PLCE1: variants seen among roughly 807,000 people sequenced by gnomAD.
PLCE1 encodes the protein phospholipase C epsilon 1, also known as 1-phosphatidylinositol 4,5-bisphosphate phosphodiesterase epsilon-1.
In PLCE1, 119 loss-of-function variants were observed where a neutral mutation model predicts 242.8. The observed-to-expected ratio is 0.49, with a 90% confidence interval of 0.42 to 0.57. PLCE1 has a LOEUF of 0.57. Ranked by LOEUF, PLCE1 falls within the 20% of genes least tolerant of loss-of-function variation. The pLI, the probability that PLCE1 is intolerant of heterozygous loss-of-function variation, is 0.00. For missense variants in PLCE1, 2,441 were observed against 2,788.8 expected (o/e 0.88, Z 2.81); for synonymous variants, 945 against 1,017.4 (o/e 0.93, Z 1.35).
intron 22 of PLCE1, among the ~76,000 whole-genome samples, chr10:94,288,636 A>T (rs2052542904): frequency 6.6e-6 from 1 of 152,104 alleles, no homozygotes; most frequent in Non-Finnish European, 1.5e-5. Context: ...TGGAAGTCTG[A>T]TTCTGAGGGG....
chr10:94,047,473 C>A lies in PLCE1; in HGVS notation c.1206+15221C>A, dbSNP rs576313738. ...TTTTGCCATTTTGTTTTAGCCAGTT[C>A]TTTTCCTCCCGCCTTTTATGACTTC... On this transcript the variant is annotated intron_variant, in intron 2 of 32. Coordinates refer to ENST00000371380, the MANE Select transcript of PLCE1 (RefSeq NM_016341.4). Among the ~76,000 whole-genome samples the A allele has an allele frequency of 5.9e-5, 9 of 152,232 alleles. No homozygotes were observed. In the East Asian group the frequency reaches 7.7e-4, roughly 13 times the overall value.
intron 5 of PLCE1, among the ~76,000 whole-genome samples, chr10:94,228,572 G>A (rs920912960): frequency 6.6e-6 from 1 of 152,122 alleles, no homozygotes; most frequent in Non-Finnish European, 1.5e-5. Context: ...CCTCATGAGG[G>A]TTCTCACTAT....
rs550426488 is a variant in PLCE1, at chr10:94,021,444, A to ATGACATGGGGGTTGATGTTC, written c.-364-9238_-364-9219dup. Among the ~76,000 whole-genome samples, 632 of 152,082 alleles carry ATGACATGGGGGTTGATGTTC rather than the reference A, an allele frequency of 4.2e-3. 6 individuals carry two copies. Among genetic ancestry groups the ATGACATGGGGGTTGATGTTC allele is most frequent in the African/African-American group, 0.013 (541 of 41,482 alleles). The stretch of plus-strand genomic sequence containing the variant: ...TTATGAATTAATATTTGTGCATGGT[A>ATGACATGGGGGTTGATGTTC]TGACATGGGGGTTGATGTTCATTTT... On this transcript the variant is annotated intron_variant, in intron 1 of 32. Coordinates refer to ENST00000371380, the MANE Select transcript of PLCE1 (RefSeq NM_016341.4).
intron 2 of PLCE1, among the ~76,000 whole-genome samples, chr10:94,086,124 C>G (rs1411102916): frequency 6.6e-6 from 1 of 152,092 alleles, no homozygotes; most frequent in Non-Finnish European, 1.5e-5. Context: ...CAGGCAGTGA[C>G]TTCTGGTGTG....
chr10:94,081,199 T>C (rs548399254), intron 2 of PLCE1, among the ~76,000 whole-genome samples: 1 of 152,338 alleles, frequency 6.6e-6, no homozygotes, highest in South Asian at 2.1e-4. Context: ...CATTTTTCTA[T>C]TTATTTTTCT....
At chr10:94,108,932 G>A (rs771695936) in intron 2 of PLCE1, 16 of 152,184 alleles carry the variant, frequency 1.1e-4, no homozygotes, top group Non-Finnish European at 2.1e-4. Context: ...CTTCACATAT[G>A]TCGTTTCATA....
chr10:94,295,062 C>T (rs1214963883), intron 23 of PLCE1, among the ~76,000 whole-genome samples: 1 of 151,760 alleles, frequency 6.6e-6, no homozygotes, highest in Non-Finnish European at 1.5e-5. Flanking sequence ...ACTACAGGAG[C>T]CCACCACCAC....
intron 1 of PLCE1, among the ~76,000 whole-genome samples, chr10:94,006,395 C>T (rs2061037732): frequency 6.6e-6 from 1 of 152,204 alleles, no homozygotes; most frequent in South Asian, 2.1e-4. Flanking sequence ...TGAAAGGTTT[C>T]TACTGTGTGG....
intron 25 of PLCE1, among the ~76,000 whole-genome samples, chr10:94,304,945 C>A (rs2053152298): frequency 6.6e-6 from 1 of 152,088 alleles, no homozygotes; most frequent in South Asian, 2.1e-4. Flanking sequence ...ATGAGTATAG[C>A]CCATGGAAGT....
chr10:94,214,230 A>T (rs550338495), intron 4 of PLCE1, among the ~76,000 whole-genome samples: 7 of 152,300 alleles, frequency 4.6e-5, no homozygotes, highest in African/African-American at 1.7e-4. Flanking sequence ...CAAGTGCCTT[A>T]CTTGCCCAGG....
intron 7 of PLCE1, among the ~76,000 whole-genome samples, chr10:94,238,395 G>A (rs1037404935): frequency 6.6e-6 from 1 of 152,208 alleles, no homozygotes; most frequent in Admixed American, 6.5e-5. Flanking sequence ...AGCTGAAGTC[G>A]CTTGTCTGAC....
At chr10:94,287,309 T>C (rs2052484892) in intron 22 of PLCE1, 1 of 152,182 alleles carries the variant, frequency 6.6e-6, no homozygotes, top group South Asian at 2.1e-4. Flanking sequence ...TTATAATACC[T>C]TCTAAATATT....
intron 2 of PLCE1, among the ~76,000 whole-genome samples, chr10:94,077,145 G>C (rs1564667015): frequency 6.6e-6 from 1 of 152,174 alleles, no homozygotes; most frequent in Non-Finnish European, 1.5e-5. Context: ...GTGTATCAGG[G>C]CTGCCTATGA....
intron 2 of PLCE1, among the ~76,000 whole-genome samples, chr10:94,131,799 G>GACC (rs745362526): frequency 5.5e-4 from 84 of 152,372 alleles, no homozygotes; most frequent in Non-Finnish European, 9.0e-4. Context: ...GAGGGAGACA[G>GACC]ACCTGGGACA....
rs12250011 is a variant in PLCE1 at position 94,308,511 on chromosome 10, C to T, written c.5885-70C>T. The T allele has an allele frequency of 9.8e-3, 10,600 of 1,085,364 alleles. 454 individuals are homozygous for T. The African/African-American group carries it at 0.11, about 11-fold the overall frequency. The allele number at this position is 1,085,364 out of a possible 1,614,324, so 67.2% of individuals were successfully genotyped here. ...TAAGGTCTTTCTACCTGTCATTTGC[C>T]GACTTCCAGGAGCATCTTCTTTTCA... On this transcript the variant is annotated intron_variant, in intron 26 of 32. Transcript: ENST00000371380.
intron 3 of PLCE1, among the ~76,000 whole-genome samples, chr10:94,157,274 T>A (rs1048850228): frequency 6.6e-6 from 1 of 152,180 alleles, no homozygotes; most frequent in Admixed American, 6.5e-5. Flanking sequence ...TCCCTCTTCC[T>A]CTTGCAAATG....
chr10:94,007,575 CTTTTTTTTTTT>C (rs57779697), intron 1 of PLCE1, among the ~76,000 whole-genome samples: 1 of 107,268 alleles, frequency 9.3e-6, no homozygotes, highest in Non-Finnish European at 1.8e-5. Flanking sequence ...TTCTCTCTCT[CTTTTTTTTTTT>C]TTTTTTTTTT....
chr10:94,121,936 A>T (rs1299986137), intron 2 of PLCE1, among the ~76,000 whole-genome samples: 1 of 152,204 alleles, frequency 6.6e-6, no homozygotes, highest in African/African-American at 2.4e-5. Context: ...GGACATTTCC[A>T]GCTGGGCAGA....
intron 11 of PLCE1, among the ~76,000 whole-genome samples, chr10:94,258,113 GC>G (rs1189399936): frequency 3.9e-5 from 6 of 152,070 alleles, no homozygotes; most frequent in African/African-American, 1.4e-4. Flanking sequence ...GTCAAAGCTG[GC>G]TTTTTTCCAT....
Sources: gnomAD v4.1 joint callset for allele counts (sites outside exome capture counted in the v4.1 genomes callset) on GRCh38, gnomAD v4.1.1 for gene constraint, MANE v1.5 for transcripts, NCBI Gene and HGNC (gene_info 2026-07-23, HGNC 2026-07-21) for gene names.